CADM2: variants seen among roughly 807,000 people sequenced by gnomAD.
The protein encoded by CADM2 is immunoglobulin superfamily member 4D.
CADM2 carries 12 observed loss-of-function variants against 49.8 expected under a neutral mutation model. That is an observed-to-expected ratio of 0.24 (90% CI 0.15 to 0.39). CADM2 has a LOEUF of 0.39. Among genes scored for constraint, CADM2 ranks in the 10% least tolerant of loss-of-function variants. The pLI, the probability that CADM2 is intolerant of heterozygous loss-of-function variation, is 1.00. For missense variants in CADM2, 378 were observed against 492.3 expected (o/e 0.77, Z 2.20); for synonymous variants, 214 against 175.4 (o/e 1.22, Z -1.74).
At chr3:85,231,804 C>G (rs113971812) in intron 1 of CADM2, among the ~76,000 whole-genome samples, 9,934 of 151,188 alleles carry the variant, frequency 0.066, 1,076 homozygotes, top group African/African-American at 0.23. Context: ...CCTCTGCCCC[C>G]CAAGTTCAAG....
intron 1 of CADM2, among the ~76,000 whole-genome samples, chr3:85,630,460 T>A (rs991244808): frequency 1.3e-5 from 2 of 152,030 alleles, no homozygotes; most frequent in African/African-American, 4.8e-5. Flanking sequence ...TAGAAACAAC[T>A]GCTTCTCAGG....
chr3:85,795,617 G>A (rs1378856856), intron 2 of CADM2, among the ~76,000 whole-genome samples: 1 of 152,002 alleles, frequency 6.6e-6, no homozygotes, highest in African/African-American at 2.4e-5. Context: ...GGCATGTAGA[G>A]GACTCTAACA....
intron 1 of CADM2, among the ~76,000 whole-genome samples, chr3:85,572,544 A>G (rs2107251297): frequency 6.6e-6 from 1 of 152,198 alleles, no homozygotes; most frequent in Admixed American, 6.5e-5. Context: ...AAATCTCATG[A>G]CGAGTCTTCT....
At chr3:85,749,639 T>C (rs1294472344) in intron 2 of CADM2, among the ~76,000 whole-genome samples, 1 of 152,036 alleles carries the variant, frequency 6.6e-6, no homozygotes, top group African/African-American at 2.4e-5. Context: ...ACAAGTTTTG[T>C]GTATTTGTGT....
intron 1 of CADM2, among the ~76,000 whole-genome samples, chr3:85,116,210 C>T (rs1215601695): frequency 6.6e-6 from 1 of 152,164 alleles, no homozygotes; most frequent in Non-Finnish European, 1.5e-5. Flanking sequence ...GCCTGTAATC[C>T]CAGCTACTGG....
At chr3:85,979,771 A>G (rs531393994) in intron 8 of CADM2, among the ~76,000 whole-genome samples, 1 of 151,642 alleles carries the variant, frequency 6.6e-6, no homozygotes, top group Non-Finnish European at 1.5e-5. Context: ...TCCACATAGA[A>G]CTTGCAAGTA....
At chr3:85,274,449 C>A (rs1472753992) in intron 1 of CADM2, among the ~76,000 whole-genome samples, 3 of 151,270 alleles carry the variant, frequency 2.0e-5, no homozygotes, top group Non-Finnish European at 4.4e-5. Context: ...AGAGCAGCAA[C>A]CTGAAATTTA....
chr3:85,730,301 G>A (rs1406251839), intron 2 of CADM2, among the ~76,000 whole-genome samples: 2 of 152,030 alleles, frequency 1.3e-5, no homozygotes, highest in African/African-American at 4.8e-5. Context: ...AAATAGGCAG[G>A]TGTGGTGATG....
chr3:85,551,127 G>T (rs146027912), intron 1 of CADM2, among the ~76,000 whole-genome samples: 64 of 152,026 alleles, frequency 4.2e-4, no homozygotes, highest in Non-Finnish European at 8.2e-4. Context: ...GGGACTATAG[G>T]TGTGCACCAC....
chr3:85,897,777 T>G (rs1256857047), intron 5 of CADM2, among the ~76,000 whole-genome samples: 1 of 152,184 alleles, frequency 6.6e-6, no homozygotes, highest in Non-Finnish European at 1.5e-5. Flanking sequence ...AAAACTTTAA[T>G]TTGAATGAGT....
intron 1 of CADM2, among the ~76,000 whole-genome samples, chr3:85,342,857 A>G (rs2030050233): frequency 6.6e-6 from 1 of 152,202 alleles, no homozygotes; most frequent in African/African-American, 2.4e-5. Flanking sequence ...AACGTAAAGC[A>G]CCGCTTTCCT....
intron 3 of CADM2, among the ~76,000 whole-genome samples, chr3:85,818,572 C>A (rs988101843): frequency 2.0e-5 from 3 of 152,146 alleles, no homozygotes; most frequent in Non-Finnish European, 4.4e-5. Flanking sequence ...TGTTTTGTAA[C>A]TTCTTTATCA....
At chr3:84,979,320 ATATT>A (rs1447616810) in intron 1 of CADM2, among the ~76,000 whole-genome samples, 1 of 152,172 alleles carries the variant, frequency 6.6e-6, no homozygotes, top group Non-Finnish European at 1.5e-5. Context: ...GGAAACGTGT[ATATT>A]TATTAATGTG....
In CADM2 at chr3:85,288,790, C is replaced by CCG. The variant is rs200839832; in HGVS notation, c.61+329123_61+329124insGC. On this transcript the variant is annotated intron_variant, in intron 1 of 9. Transcript: ENST00000383699. ...TATTCTGCTTTACCAATATGCCCCC[C>CCG]CCCCCTCTTTTTTTCCATCATGGCT... 8.8e-4 allele frequency among the ~76,000 whole-genome samples: 117 copies of CCG among 132,732 alleles called. 1 individual carries two copies. Among genetic ancestry groups the CCG allele is most frequent in the African/African-American group, 2.9e-3 (113 of 38,820 alleles). 87.1% of individuals were successfully genotyped at this position (132,732 alleles called of 152,430 possible).
At chr3:85,958,533 C>A (rs944511213) in intron 7 of CADM2, among the ~76,000 whole-genome samples, 2 of 151,930 alleles carry the variant, frequency 1.3e-5, no homozygotes, top group Non-Finnish European at 2.9e-5. Context: ...TTCGACCCAG[C>A]AATCCCATTA....
chr3:85,162,845 G>A (rs1379593722), intron 1 of CADM2, among the ~76,000 whole-genome samples: 2 of 151,480 alleles, frequency 1.3e-5, no homozygotes, highest in Non-Finnish European at 2.9e-5. Context: ...CAGCATCCTT[G>A]GCAATAATAC....
intron 1 of CADM2, among the ~76,000 whole-genome samples, chr3:85,577,281 G>T (rs559767244): frequency 9.2e-5 from 14 of 152,164 alleles, no homozygotes; most frequent in African/African-American, 3.1e-4. Flanking sequence ...ATATAACGGG[G>T]TTGAAAATGG....
intron 1 of CADM2, among the ~76,000 whole-genome samples, chr3:85,683,868 T>A (rs1389704357): frequency 6.6e-6 from 1 of 152,138 alleles, no homozygotes; most frequent in East Asian, 1.9e-4. Context: ...GGAGGATAAG[T>A]CTTTTGAACA....
intron 1 of CADM2, among the ~76,000 whole-genome samples, chr3:85,670,468 G>A (rs959878137): frequency 2.6e-5 from 4 of 151,720 alleles, no homozygotes; most frequent in Non-Finnish European, 5.9e-5. Flanking sequence ...AAATTTTTGC[G>A]CTCTGCTGAT....
Sources: gnomAD v4.1 joint callset for allele counts (sites outside exome capture counted in the v4.1 genomes callset) on GRCh38, gnomAD v4.1.1 for gene constraint, MANE v1.5 for transcripts, NCBI Gene and HGNC (gene_info 2026-07-23, HGNC 2026-07-21) for gene names.